Variants in BIRC2 observed in about 807,000 individuals in gnomAD.
BIRC2 encodes the protein baculoviral IAP repeat containing 2.
A neutral mutation model predicts 60.9 loss-of-function variants in BIRC2; 18 were observed. The observed-to-expected ratio is 0.30, with a 90% confidence interval of 0.20 to 0.44. The LOEUF (loss-of-function observed/expected upper bound fraction) is 0.44. Among genes scored for constraint, BIRC2 ranks in the 20% least tolerant of loss-of-function variants. The pLI is 1.00. For missense variants in BIRC2, 701 were observed against 728.5 expected, an observed-to-expected ratio of 0.96 and a Z score of 0.43; for synonymous variants, 282 against 247.7, an observed-to-expected ratio of 1.14 and a Z score of -1.30.
At chr11:102,356,659 A>ATAT (rs371049106) in intron 3 of BIRC2, among the ~76,000 whole-genome samples, 2,954 of 148,318 alleles carry the variant, frequency 0.02, 46 homozygotes, top group Non-Finnish European at 0.031. Context: ...TGAGATGTTT[A>ATAT]TATTATTATT....
intron 3 of BIRC2, among the ~76,000 whole-genome samples, chr11:102,354,198 G>A (rs1343669879): frequency 2.6e-5 from 4 of 152,084 alleles, no homozygotes; most frequent in Admixed American, 6.6e-5. Context: ...TGTTGCAGAT[G>A]GTAGGATTTT....
In BIRC2 at chr11:102,362,889, G is replaced by A. The variant is rs750809622; in HGVS notation, c.996-7G>A. 22 of 1,606,476 alleles carry A rather than the reference G, an allele frequency of 1.4e-5. No individual in the cohort carries two copies. The South Asian group carries it at 2.2e-4, about 16-fold the overall frequency. On this transcript the variant is annotated splice_polypyrimidine_tract_variant and splice_region_variant and intron_variant, in intron 3 of 8. Transcript: ENST00000227758. ...TTTTAAAAAATAATTTTCCTCATAT[G>A]TTTTAGGTGTGAGTTCTTGATACGA...
intron 3 of BIRC2, among the ~76,000 whole-genome samples, chr11:102,352,930 C>T (rs1192048337): frequency 1.3e-5 from 2 of 151,984 alleles, no homozygotes; most frequent in East Asian, 3.8e-4. Context: ...GTAACAAATA[C>T]TTTATTATGG....
At chr11:102,377,801 C>A in intron 7 of BIRC2, 51 bp downstream of exon 7, 1 of 1,593,594 alleles carries the variant, frequency 6.3e-7, no homozygotes, top group Admixed American at 1.9e-5. Context: ...TGGCCAGATG[C>A]GGTGGCTCAG....
At chr11:102,372,754 G>A (rs1220735242) in intron 6 of BIRC2, among the ~76,000 whole-genome samples, 1 of 128,630 alleles carries the variant, frequency 7.8e-6, no homozygotes, top group East Asian at 2.1e-4. Flanking sequence ...TCTGTCTAAT[G>A]TTGACAGTGG....
chr11:102,369,626 C>T (rs1324065972), intron 6 of BIRC2, among the ~76,000 whole-genome samples: 174 of 144,824 alleles, frequency 1.2e-3, no homozygotes, highest in African/African-American at 4.2e-3. Context: ...AATAAACATA[C>T]GTGTGCATGT....
At position 102,368,259 on chromosome 11, in the gene BIRC2, GGTTTAT is replaced by G. The variant is rs768016610; in HGVS notation, c.1124-42_1124-37del. ...TTGTGCCATGATACTTTTTTCCATA[GGTTTAT>G]GTTTGTGGAATTTAATATTAGCATG... On this transcript the variant is annotated intron_variant, in intron 5 of 8. Coordinates refer to ENST00000227758, the MANE Select transcript of BIRC2 (RefSeq NM_001166.5). 3 of 1,580,724 alleles carry G rather than the reference GGTTTAT, an allele frequency of 1.9e-6. No individual in the cohort carries two copies. The East Asian group carries it at 6.7e-5, about 35-fold the overall frequency.
intron 5 of BIRC2, among the ~76,000 whole-genome samples, chr11:102,364,188 G>C (rs11225227): frequency 0.016 from 1,034 of 65,532 alleles, 13 homozygotes; most frequent in African/African-American, 0.038. Context: ...CACACACACA[G>C]AGAGAGAGAG....
chr11:102,377,828 G>A, intron 7 of BIRC2, 29 bp from the exon 8 acceptor site: 1 of 1,599,540 alleles, frequency 6.3e-7, no homozygotes, highest in Non-Finnish European at 8.5e-7. Flanking sequence ...ATTTAGTAGA[G>A]TAATGGTTTT....
intron 6 of BIRC2, among the ~76,000 whole-genome samples, chr11:102,376,953 A>G (rs1251576532): frequency 2.0e-5 from 3 of 152,126 alleles, no homozygotes; most frequent in East Asian, 3.8e-4. Flanking sequence ...CTCAAACCCT[A>G]CAATACTACA....
chr11:102,376,835 G>A (rs959139807), intron 6 of BIRC2, among the ~76,000 whole-genome samples: 4 of 152,136 alleles, frequency 2.6e-5, no homozygotes, highest in Admixed American at 6.5e-5. Flanking sequence ...GTACCGTTAT[G>A]TATATTTTAC....
intron 3 of BIRC2, among the ~76,000 whole-genome samples, chr11:102,358,314 T>C (rs1194622808): frequency 6.6e-6 from 1 of 152,254 alleles, no homozygotes; most frequent in African/African-American, 2.4e-5. Context: ...AACATGATGC[T>C]GAAAGGAAAT....
At chr11:102,347,908 G>T (rs1019281319) in intron 1 of BIRC2, 13 of 152,134 alleles carry the variant, frequency 8.5e-5, no homozygotes, top group African/African-American at 2.9e-4. Context: ...TGCAATTTGC[G>T]TAAAGAGAAT....
At position 102,378,311 on chromosome 11, in the gene BIRC2, T is replaced by G; in HGVS notation, c.*128T>G. 1.5e-6 allele frequency: 1 copy of G among 685,280 alleles called. No individual in the cohort carries two copies. The highest frequency in any genetic ancestry group is 2.3e-6 in the Non-Finnish European group (1 of 437,986). The allele number at this position is 685,280 out of a possible 1,614,324, so 42.4% of individuals were successfully genotyped here. The stretch of plus-strand genomic sequence containing the variant: ...AGTAACATTCATGTTCTAGTCTGCT[T>G]TGGTACTAATAATCTTGTTTCTGAA... On this transcript the variant is annotated 3_prime_UTR_variant, in exon 9 of 9. Coordinates refer to ENST00000227758, the MANE Select transcript of BIRC2 (RefSeq NM_001166.5).
chr11:102,347,557 T>C (rs565492539), intron 1 of BIRC2, 181 bp downstream of exon 1: 1 of 152,408 alleles, frequency 6.6e-6, no homozygotes, highest in Non-Finnish European at 1.5e-5. Flanking sequence ...TTTTATTGGA[T>C]TCGGAAGCCC....
At chr11:102,358,872 T>C (rs1951453646) in intron 3 of BIRC2, among the ~76,000 whole-genome samples, 1 of 152,228 alleles carries the variant, frequency 6.6e-6, no homozygotes, top group Non-Finnish European at 1.5e-5. Context: ...TTGAGTCTCT[T>C]GTAGACAACC....
Position 102,349,805 on chromosome 11 carries a change from A to G in BIRC2, c.-50A>G. 6.6e-7 allele frequency: 1 copy of G among 1,504,968 alleles called. No individual in the cohort carries two copies. Among genetic ancestry groups the G allele is most frequent in the South Asian group, 1.3e-5 (1 of 74,222 alleles). 93.2% of individuals were successfully genotyped at this position (1,504,968 alleles called of 1,614,324 possible). ...GTGGTAAAAATCTTAGTTCATGTGA[A>G]GAAATTTCATGTGAATGTTTTAGCT... On this transcript the variant is annotated 5_prime_UTR_variant, in exon 2 of 9. Coordinates refer to ENST00000227758, the MANE Select transcript of BIRC2 (RefSeq NM_001166.5).
chr11:102,359,265 T>C (rs1481212143), intron 3 of BIRC2, among the ~76,000 whole-genome samples: 1 of 152,240 alleles, frequency 6.6e-6, no homozygotes, highest in Non-Finnish European at 1.5e-5. Flanking sequence ...TTTTATGTTT[T>C]TGATGTCATT....
At chr11:102,347,562 A>C (rs887118149) in intron 1 of BIRC2, 186 bp downstream of exon 1, 5 of 152,282 alleles carry the variant, frequency 3.3e-5, no homozygotes, top group Non-Finnish European at 7.3e-5. Flanking sequence ...TTGGATTCGG[A>C]AGCCCCAACT....
Sources: gnomAD v4.1 joint callset for allele counts (sites outside exome capture counted in the v4.1 genomes callset) on GRCh38, gnomAD v4.1.1 for gene constraint, MANE v1.5 for transcripts, NCBI Gene and HGNC (gene_info 2026-07-23, HGNC 2026-07-21) for gene names.